NEB: variants seen among roughly 807,000 people sequenced by gnomAD.
The protein encoded by NEB is nemaline myopathy type 2.
NEB carries 512 observed loss-of-function variants against 952.2 expected under a neutral mutation model. The ratio of observed to expected loss-of-function variants is 0.54; its 90% CI spans 0.50 to 0.58. The LOEUF (loss-of-function observed/expected upper bound fraction) is 0.58. NEB is among the 20% of genes least tolerant of loss of function. The pLI is 0.00. For synonymous variants in NEB, 2,900 were observed against 3,149.8 expected (o/e 0.92, Z 2.66); for missense variants, 8,428 against 9,231.1 (o/e 0.91, Z 3.56).
chr2:151,665,639 G>C (rs768025975), intron 41 of NEB, 100 bp from the exon 42 acceptor site: 26 of 1,028,940 alleles, frequency 2.5e-5, no homozygotes, highest in Non-Finnish European at 3.5e-5. Flanking sequence ...AGAGAAGCTG[G>C]GAGGGGGAGA....
rs138333783 is a variant in NEB, at chr2:151,514,548, A to G, written c.23017-120T>C. On this transcript the variant is annotated intron_variant, in intron 158 of 181. Transcript: ENST00000397345. Reference sequence around the variant, plus strand: ...AGGGTTCACAGTTTAGTAAGTAAAAATATGAATACAGGCAGGGTATAAGCA... The same window carrying G: ...AGGGTTCACAGTTTAGTAAGTAAAAGTATGAATACAGGCAGGGTATAAGCA... 382 of 800,874 alleles carry G rather than the reference A, an allele frequency of 4.8e-4. 2 individuals are homozygous for G. The East Asian group carries it at 5.0e-3, about 11-fold the overall frequency. 49.6% of individuals were successfully genotyped at this position (800,874 alleles called of 1,614,324 possible).
At position 151,552,718 on chromosome 2, in the gene NEB, G is replaced by C; in HGVS notation, c.19790C>G (p.Thr6597Arg). 6.2e-7 allele frequency: 1 copy of C among 1,613,398 alleles called. No homozygotes were observed. The highest frequency in any genetic ancestry group is 1.3e-5 in the African/African-American group (1 of 75,002). ...TTTGACAGCCTGCACGTAGACTGGT[G>C]TATCTGTGACAAGCTTGTAGTCATT... is the stretch of plus-strand genomic sequence containing the variant. ...TRNDYKLVTD[T>R]PVYVQAVKSG... The change falls in exon 128 of 182, where the codon ACA becomes AGA. Residue 6597 changes from threonine (T) to arginine (R), a missense_variant. This residue lies in a region of NEB where 3,374 missense variants were observed against 3,651.5 expected (regional missense o/e 0.92). Transcript: ENST00000397345.
In NEB at chr2:151,609,828, G is replaced by A. The variant is rs753714285; in HGVS notation, c.12311C>T (p.Ala4104Val). 2.5e-6 allele frequency: 4 copies of A among 1,593,844 alleles called. No homozygotes were observed. Among genetic ancestry groups the A allele is most frequent in the Admixed American group, 1.7e-5 (1 of 58,402 alleles). Residue 4104 changes from alanine (A) to valine (V), a missense_variant, in exon 81 of 182, where the codon GCC becomes GTC. Ala to Val is a moderately conservative substitution (Grantham distance 64). Coordinates refer to ENST00000397345, the MANE Select transcript of NEB (RefSeq NM_001164508.2). ...DQNDIIQAKK[A>V]YDLQSDSVYK... ...ACGTACATCACTCTGCAGGTCATAG[G>A]CCTTTTTTGCTTGGATAATGTCGTT... is the stretch of plus-strand genomic sequence containing the variant.
In NEB at chr2:151,616,014, A is replaced by C; in HGVS notation, c.11277T>G (p.Asp3759Glu). 1 of 1,611,512 alleles carries C rather than the reference A, an allele frequency of 6.2e-7. No individual in the cohort carries two copies. Among genetic ancestry groups the C allele is most frequent in the Non-Finnish European group, 8.5e-7 (1 of 1,178,784 alleles). Residue 3759 changes from aspartate to glutamate, a missense_variant, in exon 76 of 182, where the codon GAT becomes GAG. Physicochemically the swap from Asp to Glu is conservative, Grantham distance 45. Around this residue, in one of 11 missense-constraint regions of NEB, gnomAD observed 1,772 missense variants for 1,960.3 expected, o/e 0.90. Transcript: ENST00000397345. ...IPIQAAKASR[D>E]IASDYKYKEG... ...AACATCCACTTACATCACTAGCAAT[A>C]TCTCTTGAAGCCTTGGCTGCTTGGA...
intron 7 of NEB, among the ~76,000 whole-genome samples, chr2:151,724,643 C>T (rs754682378): frequency 7.2e-5 from 11 of 152,194 alleles, no homozygotes; most frequent in Admixed American, 1.3e-4. Context: ...TCACAGCTGC[C>T]TCTTTGGGCA....
intron 12 of NEB, among the ~76,000 whole-genome samples, 193 bp from the exon 13 acceptor site, chr2:151,707,190 T>C (rs1314420654): frequency 6.6e-6 from 1 of 152,218 alleles, no homozygotes; most frequent in Non-Finnish European, 1.5e-5. Context: ...GGATGCTTTT[T>C]CTTCCCATTC....
rs1346502701 is a variant in NEB, at chr2:151,570,344, T to G, written c.17167A>C (p.Thr5723Pro). 2 of 1,602,526 alleles carry G rather than the reference T, an allele frequency of 1.2e-6. No individual in the cohort carries two copies. The change falls in exon 109 of 182, where the codon ACC (threonine) becomes CCC (proline). Residue 5723 changes from threonine (T) to proline (P), a missense_variant. Physicochemically the swap from Thr to Pro is conservative, Grantham distance 38. Around this residue, in one of 11 missense-constraint regions of NEB, gnomAD observed 3,374 missense variants for 3,651.5 expected, o/e 0.92. Coordinates refer to ENST00000397345, the MANE Select transcript of NEB (RefSeq NM_001164508.2). ...TTGTTGTCATCCCTGGCTGTGAGGG[T>G]GCCCACGTAGTGTCCCTTCTGCTTC... is the stretch of plus-strand genomic sequence containing the variant. The part of the protein sequence containing the change: ...HEKQKGHYVG[T>P]LTARDDNKIR...
At chr2:151,722,624 G>C (rs909144564) in intron 9 of NEB, among the ~76,000 whole-genome samples, 1 of 152,076 alleles carries the variant, frequency 6.6e-6, no homozygotes, top group Non-Finnish European at 1.5e-5. Flanking sequence ...GCTCACTGCA[G>C]CCTCGACCTC....
rs1362091521 is a variant in NEB at position 151,549,822 on chromosome 2, T to C, written c.19945-82A>G. On this transcript the variant is annotated intron_variant, in intron 129 of 181. Transcript: ENST00000397345. ...AGCTTAACAAATCACATATAGCTCA[T>C]GTTACAGTTTTGACTAGATACTTAA... 3.8e-6 allele frequency: 3 copies of C among 788,710 alleles called. No individual in the cohort carries two copies. In the East Asian group the frequency reaches 8.0e-5, roughly 21 times the overall value. 48.9% of individuals were successfully genotyped at this position (788,710 alleles called of 1,614,324 possible).
intron 4 of NEB, among the ~76,000 whole-genome samples, chr2:151,729,378 A>C (rs2099800138): frequency 1.3e-5 from 2 of 152,198 alleles, no homozygotes; most frequent in Non-Finnish European, 2.9e-5. Flanking sequence ...ACACAGAAGA[A>C]ATAGGGGGAA....
chr2:151,666,879 G>T (rs2099225641), intron 40 of NEB, among the ~76,000 whole-genome samples: 1 of 151,766 alleles, frequency 6.6e-6, no homozygotes, highest in Non-Finnish European at 1.5e-5. Context: ...GCTTTTTTAT[G>T]ACTATATTTC....
chr2:151,650,137 C>A, intron 54 of NEB, 39 bp downstream of exon 54: 1 of 1,582,620 alleles, frequency 6.3e-7, no homozygotes, highest in Non-Finnish European at 8.7e-7. Flanking sequence ...CACTAGGTAG[C>A]AGGCACTATA....
At chr2:151,505,394 G>T in intron 165 of NEB, 84 bp downstream of exon 165, 2 of 1,173,984 alleles carry the variant, frequency 1.7e-6, no homozygotes, top group Non-Finnish European at 2.5e-6. Context: ...GCTCTTGATA[G>T]GAAGCAGAAA....
chr2:151,541,955 G>A (rs932393039), intron 135 of NEB, among the ~76,000 whole-genome samples: 4 of 152,044 alleles, frequency 2.6e-5, no homozygotes, highest in Non-Finnish European at 5.9e-5. Context: ...CTAGCCAATG[G>A]CCTTCATTCT....
chr2:151,569,478 A>T, intron 109 of NEB, 106 bp from the exon 110 acceptor site: 1 of 860,444 alleles, frequency 1.2e-6, no homozygotes, highest in Admixed American at 1.9e-5. Flanking sequence ...TATATAAGCC[A>T]AGGAGGACAT....
chr2:151,716,816 T>A (rs925293183), intron 10 of NEB, among the ~76,000 whole-genome samples: 1 of 152,202 alleles, frequency 6.6e-6, no homozygotes, highest in Non-Finnish European at 1.5e-5. Flanking sequence ...GTGGTCTGAT[T>A]TGGACCAATT....
chr2:151,498,233 A>G (rs2061677921), intron 170 of NEB, 27 bp downstream of exon 170: 2 of 1,550,762 alleles, frequency 1.3e-6, no homozygotes, highest in South Asian at 1.2e-5. Flanking sequence ...GTTAAGTGGC[A>G]TTTTTTCCCC....
At chr2:151,731,870 A>C (rs899823885) in intron 3 of NEB, among the ~76,000 whole-genome samples, 14 of 152,202 alleles carry the variant, frequency 9.2e-5, no homozygotes, top group African/African-American at 3.4e-4. Flanking sequence ...TAGGTACATA[A>C]GTAAAATGCA....
At chr2:151,656,770 G>C (rs138201194) in intron 48 of NEB, among the ~76,000 whole-genome samples, 43 of 151,792 alleles carry the variant, frequency 2.8e-4, no homozygotes, top group African/African-American at 9.9e-4. Context: ...TTGTGATGAT[G>C]CATCACACTG....
Sources: allele counts gnomAD v4.1 joint callset (sites outside exome capture counted in the v4.1 genomes callset), GRCh38; gene constraint gnomAD v4.1.1; regional missense constraint gnomAD v4.1.1; transcripts MANE v1.5; gene names NCBI Gene and HGNC (gene_info 2026-07-23, HGNC 2026-07-21).